SANBR: variants seen among roughly 807,000 people sequenced by gnomAD.
SANBR encodes SANT and BTB domain regulator of CSR.
Under a neutral mutation model 101.8 loss-of-function variants are expected in SANBR, and 77 were observed. The observed-to-expected ratio is 0.76, with a 90% CI of 0.63 to 0.91. SANBR has a LOEUF of 0.91. SANBR is among the 40% of genes least tolerant of loss of function. The pLI, the probability that SANBR is intolerant of heterozygous loss-of-function variation, is 0.00. For synonymous variants in SANBR, 279 were observed against 274.7 expected (o/e 1.02, Z -0.15); for missense variants, 875 against 853.0 (o/e 1.03, Z -0.32).
At chr2:61,096,556 C>T (rs1332199954) in intron 11 of SANBR, among the ~76,000 whole-genome samples, 1 of 152,124 alleles carries the variant, frequency 6.6e-6, no homozygotes, top group Non-Finnish European at 1.5e-5. Flanking sequence ...ACTCCTTAGA[C>T]AGTGCTTGCA....
At chr2:61,114,444 T>C (rs1289865129) in intron 16 of SANBR, among the ~76,000 whole-genome samples, 1 of 152,148 alleles carries the variant, frequency 6.6e-6, no homozygotes, top group African/African-American at 2.4e-5. Context: ...TGCTCTACAT[T>C]CCTATGTTAA....
chr2:61,117,282 C>T, intron 17 of SANBR, 75 bp from the exon 18 acceptor site: 2 of 1,359,616 alleles, frequency 1.5e-6, no homozygotes, highest in East Asian at 2.3e-5. Context: ...AGAGTGAACT[C>T]TTTTTATTAC....
chr2:61,083,070 A>T (rs1682224803), intron 7 of SANBR, 84 bp from the exon 8 acceptor site: 2 of 1,104,384 alleles, frequency 1.8e-6, no homozygotes, highest in African/African-American at 1.6e-5. Flanking sequence ...TTAGACTTTT[A>T]ATGAATTTTA....
chr2:61,134,408 G>A, intron 21 of SANBR: 1 of 853,538 alleles, frequency 1.2e-6, no homozygotes, highest in Non-Finnish European at 1.8e-6. Context: ...CCTTTTGTTT[G>A]CTGCCTATTG....
At chr2:61,105,786 C>T (rs1210820268) in intron 13 of SANBR, among the ~76,000 whole-genome samples, 1 of 152,110 alleles carries the variant, frequency 6.6e-6, no homozygotes, top group African/African-American at 2.4e-5. Flanking sequence ...ATTGCCCTGC[C>T]TCAGCCTTTC....
Position 61,103,920 on chromosome 2 carries a change from G to T in SANBR, c.1433G>T (p.Cys478Phe). Residue 478 changes from cysteine (C) to phenylalanine (F), a missense_variant, in exon 13 of 22, where the codon TGT (cysteine) becomes TTT (phenylalanine). Coordinates refer to ENST00000402291, the MANE Select transcript of SANBR (RefSeq NM_001129993.3). ...DQGEGGDLPSCPTARMLDDLH... is the reference protein window; with the variant it reads ...DQGEGGDLPSFPTARMLDDLH... Reference sequence around the variant, plus strand: ...GGTGAAGGCGGAGATTTGCCGTCCTGTCCCACTGCTAGAATGTTGGACGAT... The same window carrying T: ...GGTGAAGGCGGAGATTTGCCGTCCTTTCCCACTGCTAGAATGTTGGACGAT... 1 of 1,614,200 alleles carries T rather than the reference G, an allele frequency of 6.2e-7. No individual in the cohort carries two copies.
At chr2:61,077,519 G>A (rs187577089) in intron 6 of SANBR, among the ~76,000 whole-genome samples, 1 of 151,678 alleles carries the variant, frequency 6.6e-6, no homozygotes, top group Admixed American at 6.6e-5. Flanking sequence ...TAAAACTGTT[G>A]AAGCTTTAGA....
At chr2:61,109,919 C>T (rs941165142) in intron 16 of SANBR, among the ~76,000 whole-genome samples, 7 of 151,940 alleles carry the variant, frequency 4.6e-5, no homozygotes, top group Non-Finnish European at 1.0e-4. Flanking sequence ...TCCCAAAGTG[C>T]TGGGATTACA....
chr2:61,091,654 A>G (rs1682768474), intron 10 of SANBR, among the ~76,000 whole-genome samples: 1 of 151,334 alleles, frequency 6.6e-6, no homozygotes, highest in Non-Finnish European at 1.5e-5. Context: ...CCAGGTACTC[A>G]GGAGGCTGAG....
At chr2:61,076,449 C>G (rs1412593208) in intron 5 of SANBR, among the ~76,000 whole-genome samples, 1 of 128,258 alleles carries the variant, frequency 7.8e-6, no homozygotes, top group African/African-American at 3.2e-5. Flanking sequence ...AACCCCCTCT[C>G]TACTAAAAAT....
chr2:61,120,876 A>C (rs1454073882), intron 20 of SANBR, among the ~76,000 whole-genome samples: 2 of 152,220 alleles, frequency 1.3e-5, no homozygotes, highest in Admixed American at 1.3e-4. Flanking sequence ...AAACAGACAA[A>C]TAGTTGCCAG....
intron 10 of SANBR, among the ~76,000 whole-genome samples, chr2:61,091,419 C>G (rs1682749361): frequency 6.6e-6 from 1 of 151,754 alleles, no homozygotes; most frequent in Non-Finnish European, 1.5e-5. Context: ...TGGTAAAACC[C>G]CGTCTCTACT....
At position 61,106,727 on chromosome 2, in the gene SANBR, A is replaced by T. The variant is rs956578442; in HGVS notation, c.1611+65A>T. The T allele has an allele frequency of 4.0e-6, 4 of 996,308 alleles. No homozygotes were observed. The African/African-American group carries it at 6.6e-5, about 17-fold the overall frequency. The allele number at this position is 996,308 out of a possible 1,614,324, so 61.7% of individuals were successfully genotyped here. A position where few individuals can be genotyped will look rare whatever the true frequency, so the allele number is the denominator to read the frequency against. On this transcript the variant is annotated intron_variant, in intron 14 of 21. Coordinates refer to ENST00000402291, the MANE Select transcript of SANBR (RefSeq NM_001129993.3). ...TAATTAATGACATTTAATCTTTGAC[A>T]GGAACCTGATCAGTTTAAGTTGAAA...
At chr2:61,094,109 GTT>G in intron 11 of SANBR, 1 of 978,024 alleles carries the variant, frequency 1.0e-6, no homozygotes, top group Non-Finnish European at 1.2e-6. Flanking sequence ...CACTCAATGG[GTT>G]CTGTGTTCCC....
exon 22 of SANBR, chr2:61,137,593 T>C (rs1684890392): frequency 1.3e-5 from 2 of 152,274 alleles, no homozygotes; most frequent in Non-Finnish European, 1.5e-5. Context: ...TGCTTGCTTG[T>C]ATTTTCTTTT....
intron 20 of SANBR, among the ~76,000 whole-genome samples, chr2:61,129,521 G>C (rs1684620316): frequency 6.6e-6 from 1 of 151,614 alleles, no homozygotes; most frequent in Non-Finnish European, 1.5e-5. Flanking sequence ...CAAAGCATTA[G>C]TAAAGACGAC....
chr2:61,083,458 G>A (rs1682251198), intron 8 of SANBR, 144 bp downstream of exon 8: 2 of 607,646 alleles, frequency 3.3e-6, no homozygotes, highest in Admixed American at 3.0e-5. Context: ...GTGCAGTGGT[G>A]CAATCTTGGC....
chr2:61,073,144 G>C (rs1251098552), intron 4 of SANBR, among the ~76,000 whole-genome samples: 1 of 152,102 alleles, frequency 6.6e-6, no homozygotes, highest in African/African-American at 2.4e-5. Flanking sequence ...GCAGAGTATT[G>C]ATGTAAAAAT....
At position 61,109,257 on chromosome 2, in the gene SANBR, G is replaced by A; in HGVS notation, c.1705G>A (p.Asp569Asn). The A allele has an allele frequency of 6.3e-7, 1 of 1,579,484 alleles. No homozygotes were observed. Among genetic ancestry groups the A allele is most frequent in the Non-Finnish European group, 8.6e-7 (1 of 1,160,520 alleles). ...EYTTGSEVTE[D>N]EVGDEEEVSK... ...TACCACTGGATCTGAGGTCACTGAA[G>A]ATGAAGTTGGAGATGAAGAAGAAGT... is the stretch of plus-strand genomic sequence containing the variant. The change falls in exon 16 of 22, where the codon GAT becomes AAT. Residue 569 changes from aspartate to asparagine, a missense_variant. Physicochemically the swap from Asp to Asn is conservative, Grantham distance 23. Transcript: ENST00000402291.
Sources: allele counts gnomAD v4.1 joint callset (sites outside exome capture counted in the v4.1 genomes callset), GRCh38; gene constraint gnomAD v4.1.1; transcripts MANE v1.5; gene names NCBI Gene and HGNC (gene_info 2026-07-23, HGNC 2026-07-21).